GLIS1: variants seen among roughly 807,000 people sequenced by gnomAD.
GLIS1 encodes the protein GLIS family zinc finger 1.
GLIS1 carries 24 observed loss-of-function variants against 63.8 expected under a neutral mutation model. The ratio of observed to expected loss-of-function variants is 0.38; its 90% confidence interval spans 0.27 to 0.53. The LOEUF (loss-of-function observed/expected upper bound fraction) is 0.53. Ranked by LOEUF, GLIS1 falls within the 20% of genes least tolerant of loss-of-function variation. The pLI is 0.85. For missense variants in GLIS1, 1,036 were observed against 1,074.1 expected (o/e 0.96, Z 0.50); for synonymous variants, 450 against 482.5 (o/e 0.93, Z 0.88).
intron 2 of GLIS1, among the ~76,000 whole-genome samples, chr1:53,668,403 C>A (rs1296922156): frequency 6.6e-6 from 1 of 152,142 alleles, no homozygotes; most frequent in African/African-American, 2.4e-5. Context: ...GCTCTGTCAC[C>A]CAGGCTGCAG....
chr1:53,625,346 A>C (rs1018231737), intron 2 of GLIS1, among the ~76,000 whole-genome samples: 3 of 152,180 alleles, frequency 2.0e-5, no homozygotes, highest in African/African-American at 7.2e-5. Context: ...AGTATTGCGG[A>C]TCTGGGACCA....
In GLIS1 at chr1:53,524,782, T is replaced by C. The variant is rs771184182; in HGVS notation, c.1588A>G (p.Lys530Glu). ...GATGAGGAGGGCTGGCTTACCTTCTTACGCACCTGCTGCTCTTTGGCTGAA... is the reference window on the plus strand; with the variant it reads ...GATGAGGAGGGCTGGCTTACCTTCTCACGCACCTGCTGCTCTTTGGCTGAA... ...AHSAKEQQVR[K>E]KLHAGPDTEA... Residue 530 changes from lysine (K) to glutamate (E), a missense_variant, in exon 6 of 11, where the codon AAG (lysine) becomes GAG (glutamate). Transcript: ENST00000628545. 33 of 1,612,718 alleles carry C rather than the reference T, an allele frequency of 2.0e-5. No homozygotes were observed. The South Asian group carries it at 3.4e-4, about 17-fold the overall frequency.
chr1:53,576,324 G>A (rs1254491623), intron 4 of GLIS1, among the ~76,000 whole-genome samples: 1 of 152,144 alleles, frequency 6.6e-6, no homozygotes, highest in Non-Finnish European at 1.5e-5. Flanking sequence ...CTCAGCTCCA[G>A]CACTAGCTGT....
chr1:53,604,688 C>A (rs1413020220), intron 2 of GLIS1, among the ~76,000 whole-genome samples: 1 of 152,120 alleles, frequency 6.6e-6, no homozygotes, highest in Non-Finnish European at 1.5e-5. Flanking sequence ...CACCTGTGAG[C>A]TTCATTACAA....
At chr1:53,518,173 C>T (rs1423124824) in intron 7 of GLIS1, among the ~76,000 whole-genome samples, 3 of 152,216 alleles carry the variant, frequency 2.0e-5, no homozygotes, top group East Asian at 3.9e-4. Context: ...CTGCCCTCCC[C>T]GCTGCACTGG....
chr1:53,657,619 G>A (rs1645981464), intron 2 of GLIS1, among the ~76,000 whole-genome samples: 1 of 152,148 alleles, frequency 6.6e-6, no homozygotes, highest in Admixed American at 6.5e-5. Context: ...GCTATGTGGA[G>A]GGGGAGAGGA....
intron 4 of GLIS1, among the ~76,000 whole-genome samples, chr1:53,546,610 T>G (rs1223071246): frequency 1.3e-5 from 2 of 152,100 alleles, no homozygotes; most frequent in African/African-American, 2.4e-5. Flanking sequence ...GGCTCGTCAA[T>G]CTGGCCTTGG....
chr1:53,544,591 C>T (rs1644679151), intron 4 of GLIS1, among the ~76,000 whole-genome samples: 1 of 152,256 alleles, frequency 6.6e-6, no homozygotes, highest in Admixed American at 6.5e-5. Context: ...CTCAGCCCAG[C>T]ACTTCCAGCA....
chr1:53,652,838 G>A (rs968903155), intron 2 of GLIS1, among the ~76,000 whole-genome samples: 11 of 152,158 alleles, frequency 7.2e-5, no homozygotes, highest in Non-Finnish European at 1.5e-4. Flanking sequence ...TGAGGCAGGG[G>A]GCATGACAAC....
At chr1:53,609,928 G>A (rs931413820) in intron 2 of GLIS1, among the ~76,000 whole-genome samples, 1 of 152,188 alleles carries the variant, frequency 6.6e-6, no homozygotes, top group Non-Finnish European at 1.5e-5. Context: ...GTAGGTGACT[G>A]TAACACAATG....
At chr1:53,634,674 C>T (rs571213101) in intron 2 of GLIS1, among the ~76,000 whole-genome samples, 9 of 152,102 alleles carry the variant, frequency 5.9e-5, no homozygotes, top group Non-Finnish European at 8.8e-5. Context: ...GACATCCTCT[C>T]GGCCCCACCG....
In GLIS1 at chr1:53,546,282, GC is replaced by G. The variant is rs1173771310; in HGVS notation, c.1321-16331del. ...AGGCAAGCCCACGCCACAAACCTTG[GC>G]AGGGAGGGCGAGGATGACATTTCAC... On this transcript the variant is annotated intron_variant, in intron 4 of 10. Coordinates refer to ENST00000628545, the MANE Select transcript of GLIS1 (RefSeq NM_001367484.1). Among the ~76,000 whole-genome samples the G allele has an allele frequency of 2.0e-5, 3 of 152,350 alleles. No individual in the cohort carries two copies. In the East Asian group the frequency reaches 5.8e-4, roughly 29 times the overall value.
At chr1:53,554,632 G>GC (rs949751726) in intron 4 of GLIS1, among the ~76,000 whole-genome samples, 3 of 151,920 alleles carry the variant, frequency 2.0e-5, no homozygotes, top group South Asian at 2.1e-4. Context: ...AGTCCATATT[G>GC]CCCCCCCAGG....
intron 2 of GLIS1, among the ~76,000 whole-genome samples, chr1:53,654,273 A>G (rs925985974): frequency 6.6e-6 from 1 of 152,240 alleles, no homozygotes. Context: ...TGGAACTACT[A>G]TTCCACACTA....
intron 4 of GLIS1, among the ~76,000 whole-genome samples, chr1:53,558,492 C>T (rs1356872267): frequency 6.6e-6 from 1 of 152,198 alleles, no homozygotes; most frequent in Non-Finnish European, 1.5e-5. Flanking sequence ...AGCAGACTTC[C>T]AGCCATTCTT....
At chr1:53,573,128 A>G (rs990488152) in intron 4 of GLIS1, among the ~76,000 whole-genome samples, 3 of 152,154 alleles carry the variant, frequency 2.0e-5, no homozygotes, top group Non-Finnish European at 2.9e-5. Flanking sequence ...CCAGGGTCCA[A>G]TGCGAGCCCT....
intron 2 of GLIS1, among the ~76,000 whole-genome samples, chr1:53,631,709 A>T (rs1374575587): frequency 6.6e-6 from 1 of 152,144 alleles, no homozygotes; most frequent in African/African-American, 2.4e-5. Flanking sequence ...GCACTTTTAT[A>T]TGGGGTGTTC....
rs1224558477 is a variant in GLIS1, at chr1:53,560,597, T to C, written c.1321-30645A>G. On this transcript the variant is annotated intron_variant, in intron 4 of 10. Transcript: ENST00000628545. The surrounding 1 kb of genome is among the most constrained non-coding windows in gnomAD (Gnocchi z 4.4). ...AGGTGAGACTGAAGACAGGCCCCTATTTGGCTGGTGGACCCCAGGTCCTGT... is the reference window on the plus strand; with the variant it reads ...AGGTGAGACTGAAGACAGGCCCCTACTTGGCTGGTGGACCCCAGGTCCTGT... 1.3e-5 allele frequency among the ~76,000 whole-genome samples: 2 copies of C among 152,176 alleles called. No homozygotes were observed. The highest frequency in any genetic ancestry group is 2.9e-5 in the Non-Finnish European group (2 of 68,008).
chr1:53,709,722 A>C (rs535704159), intron 2 of GLIS1, among the ~76,000 whole-genome samples: 1 of 152,304 alleles, frequency 6.6e-6, no homozygotes, highest in African/African-American at 2.4e-5. Flanking sequence ...TGAACCCCCC[A>C]GAGGCAGTTC....
Sources: gnomAD v4.1 joint callset for allele counts (sites outside exome capture counted in the v4.1 genomes callset) on GRCh38, gnomAD v4.1.1 for gene constraint, Gnocchi (gnomAD v3.1) non-coding constraint, MANE v1.5 for transcripts, NCBI Gene and HGNC (gene_info 2026-07-23, HGNC 2026-07-21) for gene names.